RTN2: variants seen among roughly 807,000 people sequenced by gnomAD.
RTN2 encodes reticulon-2.
In RTN2, 36 loss-of-function variants were observed where a neutral mutation model predicts 63.7. That is an observed-to-expected ratio of 0.56 (90% CI 0.43 to 0.75). The LOEUF is 0.75. Ranked by LOEUF, RTN2 falls within the 30% of genes least tolerant of loss-of-function variation. The pLI, the probability that RTN2 is intolerant of heterozygous loss-of-function variation, is 0.00. For synonymous variants in RTN2, 312 were observed against 313.0 expected (o/e 1.00, Z 0.03); for missense variants, 673 against 705.1 (o/e 0.95, Z 0.52).
chr19:45,489,067 G>A, intron 6 of RTN2, 81 bp from the exon 7 acceptor site: 2 of 1,492,662 alleles, frequency 1.3e-6, no homozygotes, highest in Non-Finnish European at 1.8e-6. Flanking sequence ...CAAGGGAGAG[G>A]AATGGCGGTT....
rs780460667 is a variant in RTN2, at chr19:45,494,041, T to C, written c.814+125A>G. On this transcript the variant is annotated intron_variant, in intron 4 of 10. Transcript: ENST00000245923. This position sits in a 1 kb window ranked among gnomAD's most constrained non-coding sequence, Gnocchi z 5.3. ...TTATCACGTCTAGCCAGATGTGATATCACGTCTATCTCTTCCCTTTTCCAC... is the reference window on the plus strand; with the variant it reads ...TTATCACGTCTAGCCAGATGTGATACCACGTCTATCTCTTCCCTTTTCCAC... The C allele has an allele frequency of 8.7e-5, 123 of 1,405,846 alleles. No homozygotes were observed. The highest frequency in any genetic ancestry group is 7.6e-4 in the Middle Eastern group (3 of 3,940). The allele number at this position is 1,405,846 out of a possible 1,614,324, so 87.1% of individuals were successfully genotyped here.
In RTN2 at chr19:45,486,133, G is replaced by C; in HGVS notation, c.1498-20C>G. ...CTGAGCCTGGGGAGACCAAAGAAAG[G>C]TGAAAGAAGGGATTGGAGGGGTTTC... On this transcript the variant is annotated intron_variant, in intron 9 of 10. Coordinates refer to ENST00000245923, the MANE Select transcript of RTN2 (RefSeq NM_005619.5). 1.9e-6 allele frequency: 3 copies of C among 1,611,838 alleles called. No homozygotes were observed. Among genetic ancestry groups the C allele is most frequent in the South Asian group, 1.1e-5 (1 of 90,918 alleles).
Position 45,494,766 on chromosome 19 carries a change from C to T in RTN2, c.319G>A (p.Asp107Asn), listed in dbSNP as rs769157154. The change falls in exon 3 of 11, where the codon GAC becomes AAC. Residue 107 changes from aspartate to asparagine, a missense_variant. By Grantham distance (23) the Asp-to-Asn change is conservative. Transcript: ENST00000245923. This position sits in a 1 kb window ranked among gnomAD's most constrained non-coding sequence, Gnocchi z 5.3. Reference protein sequence around the residue: ...RDQHPQPSLGDSLESIPSLSQ... With the variant: ...RDQHPQPSLGNSLESIPSLSQ... ...AGGCTGGGGATGCTCTCCAAGCTGT[C>T]GCCCAGGCTGGGCTGAGGGTGCTGG... The T allele has an allele frequency of 6.2e-7, 1 of 1,608,064 alleles. No individual in the cohort carries two copies. Among genetic ancestry groups the T allele is most frequent in the East Asian group, 2.2e-5 (1 of 44,868 alleles).
Position 45,485,674 on chromosome 19 carries a change from G to C in RTN2, c.*34C>G. 3.8e-6 allele frequency: 6 copies of C among 1,560,064 alleles called. 1 individual carries two copies. The highest frequency in any genetic ancestry group is 5.3e-6 in the Non-Finnish European group (6 of 1,133,342). On this transcript the variant is annotated 3_prime_UTR_variant, in exon 11 of 11. Transcript: ENST00000245923. ...AGGGGGCCAGAGGGCTGCGGGGGCT[G>C]GGGGCAGGCGTCCTGCGGGCAGAGA...
At chr19:45,489,073 C>A in intron 6 of RTN2, 87 bp from the exon 7 acceptor site, 1 of 1,451,502 alleles carries the variant, frequency 6.9e-7, no homozygotes. Context: ...AGAGGAATGG[C>A]GGTTGGGAGA....
chr19:45,496,945 T>A lies in RTN2; in HGVS notation c.-120A>T. 3.8e-6 allele frequency: 2 copies of A among 520,512 alleles called. No individual in the cohort carries two copies. Among genetic ancestry groups the A allele is most frequent in the Non-Finnish European group, 5.9e-6 (2 of 339,022 alleles). 32.2% of individuals were successfully genotyped at this position (520,512 alleles called of 1,614,324 possible). A position where few individuals can be genotyped will look rare whatever the true frequency, so the allele number is the denominator to read the frequency against. On this transcript the variant is annotated 5_prime_UTR_variant, in exon 1 of 11. Transcript: ENST00000245923. ...CGCCGCTGCCATTCTCGCCGCCTCCTCCTCCCGGGCTGCTCCAGCCGCCGC... is the reference window on the plus strand; with the variant it reads ...CGCCGCTGCCATTCTCGCCGCCTCCACCTCCCGGGCTGCTCCAGCCGCCGC...
intron 1 of RTN2, chr19:45,496,549 A>G (rs1968273672): frequency 2.8e-6 from 1 of 361,076 alleles, no homozygotes; most frequent in Non-Finnish European, 5.0e-6. Context: ...TACGTCCCAG[A>G]GCGCAGCGCG....
intron 5 of RTN2, among the ~76,000 whole-genome samples, chr19:45,491,360 A>AT (rs752835899): frequency 0.011 from 1,437 of 125,458 alleles, 29 homozygotes; most frequent in African/African-American, 0.036. Flanking sequence ...TATCGTGCTA[A>AT]TTTTTTTTTT....
intron 1 of RTN2, among the ~76,000 whole-genome samples, chr19:45,495,835 G>A (rs2122230605): frequency 6.6e-6 from 1 of 152,320 alleles, no homozygotes; most frequent in East Asian, 1.9e-4. Flanking sequence ...AGAGAGGTAA[G>A]GGCGGTGGGG....
intron 6 of RTN2, 113 bp from the exon 7 acceptor site, chr19:45,489,099 C>T: frequency 8.1e-7 from 1 of 1,234,006 alleles, no homozygotes; most frequent in Admixed American, 2.1e-5. Flanking sequence ...AGAGTTAGGA[C>T]TGAGGGGCAG....
chr19:45,495,644 A>C (rs1453534891), intron 1 of RTN2, among the ~76,000 whole-genome samples: 2 of 152,220 alleles, frequency 1.3e-5, no homozygotes, highest in East Asian at 3.9e-4. Flanking sequence ...ATGACGTTTG[A>C]GCAGAGATCT....
intron 1 of RTN2, 135 bp downstream of exon 1, chr19:45,496,657 G>T: frequency 1.9e-6 from 1 of 515,308 alleles, no homozygotes; most frequent in Non-Finnish European, 3.2e-6. Flanking sequence ...CGCGGGGGAG[G>T]GGAGAGCTTC....
rs1475814596 is a variant in RTN2 at position 45,497,010 on chromosome 19, G to T, written c.-185C>A. ...CCGCCGCCGCCCTGGTGCTCGGCTC[G>T]GCGGGGGCGGGCGGGGCCGAGGTGG... On this transcript the variant is annotated 5_prime_UTR_variant, in exon 1 of 11. Transcript: ENST00000245923. 10 of 250,020 alleles carry T rather than the reference G, an allele frequency of 4.0e-5. No individual in the cohort carries two copies. Among genetic ancestry groups the T allele is most frequent in the Non-Finnish European group, 5.8e-5 (8 of 136,784 alleles). 15.5% of individuals were successfully genotyped at this position (250,020 alleles called of 1,614,324 possible).
chr19:45,488,151 A>T (rs959809069), intron 9 of RTN2, among the ~76,000 whole-genome samples: 17 of 151,046 alleles, frequency 1.1e-4, no homozygotes, highest in Middle Eastern at 3.5e-3. Context: ...CTACTCAGAG[A>T]TTGAGGCAGG....
chr19:45,495,774 G>T (rs185482984), intron 1 of RTN2, among the ~76,000 whole-genome samples: 1 of 151,646 alleles, frequency 6.6e-6, no homozygotes, highest in East Asian at 1.9e-4. Context: ...GAGGTGCGAA[G>T]ATATGACTGG....
chr19:45,492,629 C>G (rs1968183451), intron 5 of RTN2, among the ~76,000 whole-genome samples: 1 of 152,200 alleles, frequency 6.6e-6, no homozygotes, highest in African/African-American at 2.4e-5. Context: ...CAGATCCTCT[C>G]TATCCTCCCA....
chr19:45,485,365 G>T lies in RTN2; in HGVS notation c.*343C>A. ...CCCCTGGGCCCCATGCAAAGCCCCGGCGTTGGGGCTAGTAGCATCCAGGAG... is the reference window on the plus strand; with the variant it reads ...CCCCTGGGCCCCATGCAAAGCCCCGTCGTTGGGGCTAGTAGCATCCAGGAG... On this transcript the variant is annotated 3_prime_UTR_variant, in exon 11 of 11. Transcript: ENST00000245923. 3.4e-6 allele frequency: 1 copy of T among 294,666 alleles called. No individual in the cohort carries two copies. Among genetic ancestry groups the T allele is most frequent in the Admixed American group, 4.6e-5 (1 of 21,912 alleles). 18.3% of individuals were successfully genotyped at this position (294,666 alleles called of 1,614,324 possible).
At chr19:45,488,421 A>G (rs778251889) in intron 9 of RTN2, 50 bp downstream of exon 9, 17 of 1,592,310 alleles carry the variant, frequency 1.1e-5, no homozygotes, top group Non-Finnish European at 1.5e-5. Flanking sequence ...GGAGATGGTC[A>G]GACCCCCATG....
Position 45,494,785 on chromosome 19 carries a change from G to T in RTN2, c.300C>A (p.His100Gln), listed in dbSNP as rs1434137709. 1.2e-6 allele frequency: 2 copies of T among 1,605,840 alleles called. No individual in the cohort carries two copies. Among genetic ancestry groups the T allele is most frequent in the Admixed American group, 1.7e-5 (1 of 60,012 alleles). The change falls in exon 3 of 11, where the codon CAC becomes CAA. Residue 100 changes from histidine to glutamine, a missense_variant. His to Gln is a conservative substitution (Grantham distance 24). Transcript: ENST00000245923. The surrounding 1 kb of genome is among the most constrained non-coding windows in gnomAD (Gnocchi z 5.3). Reference sequence around the variant, plus strand: ...AGCTGTCGCCCAGGCTGGGCTGAGGGTGCTGGTCTCGTGGTTCCGAGACTG... The same window carrying T: ...AGCTGTCGCCCAGGCTGGGCTGAGGTTGCTGGTCTCGTGGTTCCGAGACTG... ...GRSVSEPRDQ[H>Q]PQPSLGDSLE...
Sources: gnomAD v4.1 joint callset for allele counts (sites outside exome capture counted in the v4.1 genomes callset) on GRCh38, gnomAD v4.1.1 for gene constraint, Gnocchi (gnomAD v3.1) non-coding constraint, MANE v1.5 for transcripts, NCBI Gene and HGNC (gene_info 2026-07-23, HGNC 2026-07-21) for gene names.